DGKH: variants seen among roughly 807,000 people sequenced by gnomAD.
DGKH encodes diacylglycerol kinase eta.
In DGKH, 90 loss-of-function variants were observed where a neutral mutation model predicts 159.3. The ratio of observed to expected loss-of-function variants is 0.57; its 90% CI spans 0.48 to 0.67. The LOEUF (loss-of-function observed/expected upper bound fraction) is 0.67, where lower values mean the gene tolerates loss of function less well. Among genes scored for constraint, DGKH ranks in the 30% least tolerant of loss-of-function variants. DGKH has a pLI of 0.00. For missense variants in DGKH, 1,181 were observed against 1,506.1 expected (o/e 0.78, Z 3.57); for synonymous variants, 536 against 553.8 (o/e 0.97, Z 0.45).
In DGKH at chr13:42,064,035, C is replaced by T. The variant is rs1882384010; in HGVS notation, c.192+15070C>T. On this transcript the variant is annotated intron_variant, in intron 1 of 29. Transcript: ENST00000337343. ...GATGCAAAAAAAGAGAGGAGAATTA[C>T]TGGAGCAATGTCCTTATATATGCGA... 2.0e-5 allele frequency among the ~76,000 whole-genome samples: 3 copies of T among 152,012 alleles called. No individual in the cohort carries two copies. The South Asian group carries it at 6.2e-4, about 32-fold the overall frequency.
In DGKH at chr13:42,236,165, C is replaced by A. The variant is rs559306196; in HGVS notation, c.*6977C>A. ...TGTAATCATCAAAAGAAGGTTTCCA[C>A]AAGTTGTATAAATCAGTGCATTTAT... On this transcript the variant is annotated 3_prime_UTR_variant, in exon 30 of 30. Coordinates refer to ENST00000337343, the MANE Select transcript of DGKH (RefSeq NM_178009.5). 16 of 152,290 alleles carry A rather than the reference C, an allele frequency of 1.1e-4. No individual in the cohort carries two copies. The highest frequency in any genetic ancestry group is 3.4e-4 in the African/African-American group (14 of 41,572). The allele number at this position is 152,290 out of a possible 1,614,324, so 9.4% of individuals were successfully genotyped here.
At chr13:42,160,327 A>T (rs1299833964) in intron 7 of DGKH, among the ~76,000 whole-genome samples, 191 bp downstream of exon 7, 1 of 152,216 alleles carries the variant, frequency 6.6e-6, no homozygotes, top group Non-Finnish European at 1.5e-5. Context: ...AATGCCCTGT[A>T]AAACTTATTC....
intron 14 of DGKH, 22 bp downstream of exon 14, chr13:42,187,170 C>T: frequency 6.3e-7 from 1 of 1,592,138 alleles, no homozygotes; most frequent in Non-Finnish European, 8.6e-7. Context: ...CTCTTCAGGG[C>T]ATGAGAGTTG....
intron 29 of DGKH, among the ~76,000 whole-genome samples, chr13:42,224,925 TTTGTTG>T (rs563291146): frequency 6.6e-6 from 1 of 151,770 alleles, no homozygotes; most frequent in Non-Finnish European, 1.5e-5. Flanking sequence ...TATACATATA[TTTGTTG>T]TTGTTGTTGA....
At chr13:42,042,049 T>A (rs1880544126) in intron 1 of DGKH, among the ~76,000 whole-genome samples, 1 of 152,238 alleles carries the variant, frequency 6.6e-6, no homozygotes, top group African/African-American at 2.4e-5. Context: ...ATTCCTGACC[T>A]TTCAGAAGCG....
At chr13:42,087,964 A>G (rs1954340360) in intron 1 of DGKH, among the ~76,000 whole-genome samples, 2 of 152,192 alleles carry the variant, frequency 1.3e-5, no homozygotes, top group Non-Finnish European at 2.9e-5. Context: ...ACCTGATAGC[A>G]CATCAGAATC....
Position 42,230,691 on chromosome 13 carries a change from TATAC to T in DGKH, c.*1513_*1516del, listed in dbSNP as rs1227569859. On this transcript the variant is annotated 3_prime_UTR_variant, in exon 30 of 30. Coordinates refer to ENST00000337343, the MANE Select transcript of DGKH (RefSeq NM_178009.5). ...ATACATATACACATATATGTGTATATATACATACATACACATATACATTTATATG... is the reference window on the plus strand; with the variant it reads ...ATACATATACACATATATGTGTATATATACATACACATATACATTTATATG... The T allele has an allele frequency of 6.6e-6, 1 of 152,066 alleles. No homozygotes were observed. The highest frequency in any genetic ancestry group is 6.6e-5 in the Admixed American group (1 of 15,256). The allele number at this position is 152,066 out of a possible 1,614,324, so 9.4% of individuals were successfully genotyped here.
chr13:42,184,965 T>G (rs1419142814), intron 13 of DGKH, among the ~76,000 whole-genome samples: 1 of 152,146 alleles, frequency 6.6e-6, no homozygotes, highest in Non-Finnish European at 1.5e-5. Context: ...AAAATCTGCA[T>G]TCTACTTTCA....
upstream of DGKH, among the ~76,000 whole-genome samples, chr13:42,044,943 A>G (rs1880720973): frequency 6.6e-6 from 1 of 152,220 alleles, no homozygotes; most frequent in Non-Finnish European, 1.5e-5. Flanking sequence ...CAACACTTCA[A>G]AAATGTGGAA....
At chr13:42,256,393 G>C (rs149670042) in exon 31 of DGKH, 4 of 1,580,244 alleles carry the variant, frequency 2.5e-6, no homozygotes, top group South Asian at 2.2e-5. Flanking sequence ...CTCGTATAGC[G>C]TATGACAAGG....
At chr13:42,072,773 T>TA (rs1883052488) in intron 1 of DGKH, among the ~76,000 whole-genome samples, 1 of 152,216 alleles carries the variant, frequency 6.6e-6, no homozygotes, top group African/African-American at 2.4e-5. Context: ...GATTTTCAAC[T>TA]AATAAAAGTC....
intron 29 of DGKH, chr13:42,225,364 T>C: frequency 6.4e-7 from 1 of 1,564,272 alleles, no homozygotes; most frequent in Non-Finnish European, 8.6e-7. Context: ...TAGTTTATTT[T>C]TTGTTTTTTC....
chr13:42,061,495 A>G (rs1028405285), intron 1 of DGKH, among the ~76,000 whole-genome samples: 11 of 152,176 alleles, frequency 7.2e-5, no homozygotes, highest in African/African-American at 1.4e-4. Context: ...CTCCTATATC[A>G]TTATGATATA....
At position 42,085,423 on chromosome 13, in the gene DGKH, A is replaced by G. The variant is rs368588508; in HGVS notation, c.192+36458A>G. ...ATACACTCTGAGATACATTGCTGTA[A>G]AGGGAAAAGCCCAGTGATTGTGATT... On this transcript the variant is annotated intron_variant, in intron 1 of 29. Coordinates refer to ENST00000337343, the MANE Select transcript of DGKH (RefSeq NM_178009.5). Among the ~76,000 whole-genome samples the G allele has an allele frequency of 5.9e-5, 9 of 152,308 alleles. No individual in the cohort carries two copies. In the South Asian group the frequency reaches 1.9e-3, roughly 32 times the overall value.
chr13:42,055,606 A>T (rs1419226138), intron 1 of DGKH, among the ~76,000 whole-genome samples: 1 of 152,238 alleles, frequency 6.6e-6, no homozygotes, highest in African/African-American at 2.4e-5. Context: ...AACTACCAGT[A>T]TAAAGGACGT....
In DGKH at chr13:42,241,331, G is replaced by C. The variant is rs1013250516; in HGVS notation, c.*12143G>C. 6.6e-6 allele frequency: 1 copy of C among 152,070 alleles called. No individual in the cohort carries two copies. The highest frequency in any genetic ancestry group is 2.4e-5 in the African/African-American group (1 of 41,388). The allele number at this position is 152,070 out of a possible 1,614,324, so 9.4% of individuals were successfully genotyped here. A position where few individuals can be genotyped will look rare whatever the true frequency, so the allele number is the denominator to read the frequency against. On this transcript the variant is annotated 3_prime_UTR_variant, in exon 30 of 30. Transcript: ENST00000337343. The stretch of plus-strand genomic sequence containing the variant: ...GGTATTAGGAGGACTTTTATAAACC[G>C]AGTGTTTTTCAGGTTACTTCAGAGA...
At chr13:42,064,505 TACAGTA>T (rs1363406834) in intron 1 of DGKH, among the ~76,000 whole-genome samples, 1 of 152,016 alleles carries the variant, frequency 6.6e-6, no homozygotes, top group Non-Finnish European at 1.5e-5. Context: ...CGTGGGTGGA[TACAGTA>T]ACAAGCTCTG....
At chr13:42,061,293 A>G (rs1882149489) in intron 1 of DGKH, among the ~76,000 whole-genome samples, 1 of 152,172 alleles carries the variant, frequency 6.6e-6, no homozygotes, top group Non-Finnish European at 1.5e-5. Flanking sequence ...CGTAGCTGGC[A>G]GAGAAGGGAA....
At chr13:42,226,106 A>G (rs1431266141) in intron 29 of DGKH, among the ~76,000 whole-genome samples, 1 of 152,146 alleles carries the variant, frequency 6.6e-6, no homozygotes, top group Non-Finnish European at 1.5e-5. Context: ...ATTTACAAGA[A>G]AAAAAACAAC....
Sources: allele counts gnomAD v4.1 joint callset (sites outside exome capture counted in the v4.1 genomes callset), GRCh38; gene constraint gnomAD v4.1.1; transcripts MANE v1.5; gene names NCBI Gene and HGNC (gene_info 2026-07-23, HGNC 2026-07-21).